C1R: variants seen among roughly 807,000 people sequenced by gnomAD.
C1R encodes the protein complement C1r.
C1R carries 15 observed loss-of-function variants against 27.6 expected under a neutral mutation model. The ratio of observed to expected loss-of-function variants is 0.54; its 90% CI spans 0.36 to 0.84. The LOEUF (loss-of-function observed/expected upper bound fraction) is 0.84. Ranked by LOEUF, C1R falls within the 40% of genes least tolerant of loss-of-function variation. C1R has a pLI of 0.01. For synonymous variants in C1R, 253 were observed against 228.8 expected (o/e 1.11, Z -0.95); for missense variants, 544 against 577.9 (o/e 0.94, Z 0.60).
chr12:7,080,428 T>C lies in C1R; in HGVS notation c.*104A>G. The C allele has an allele frequency of 2.0e-6, 3 of 1,464,944 alleles. No individual in the cohort carries two copies. The highest frequency in any genetic ancestry group is 2.7e-6 in the Non-Finnish European group (3 of 1,109,744). 90.7% of individuals were successfully genotyped at this position (1,464,944 alleles called of 1,614,324 possible). A position where few individuals can be genotyped will look rare whatever the true frequency, so the allele number is the denominator to read the frequency against. On this transcript the variant is annotated 3_prime_UTR_variant, in exon 11 of 11. Transcript: ENST00000647956. The surrounding 1 kb of genome is among the most constrained non-coding windows in gnomAD (Gnocchi z 4.9). ...TTCACACACGGTCTTTCTGCATCAG[T>C]AATTTTAATAGAGACTCTTAGTGGT...
intron 9 of C1R, among the ~76,000 whole-genome samples, chr12:7,084,743 G>A (rs1938111135): frequency 1.3e-5 from 2 of 150,918 alleles, no homozygotes; most frequent in Admixed American, 6.6e-5. Context: ...GGTGGTGATG[G>A]TGTTGGTAAT....
intron 3 of C1R, 120 bp downstream of exon 3, chr12:7,089,936 T>G: frequency 1.4e-6 from 1 of 701,344 alleles, no homozygotes; most frequent in Non-Finnish European, 2.7e-6. Context: ...AAAAGCTCTC[T>G]CGAGGGGAGG....
chr12:7,092,275 G>T (rs1235648124), intron 1 of C1R, 112 bp downstream of exon 1: 4 of 766,564 alleles, frequency 5.2e-6, no homozygotes, highest in Non-Finnish European at 9.7e-6. Flanking sequence ...CAGTGGAACT[G>T]ATGAGGTGTG....
intron 9 of C1R, among the ~76,000 whole-genome samples, chr12:7,083,053 A>G (rs1426203378): frequency 2.0e-5 from 3 of 152,228 alleles, no homozygotes; most frequent in Non-Finnish European, 2.9e-5. Flanking sequence ...GTGATTTCTA[A>G]TATTTAAAAA....
chr12:7,080,670 T>G lies in C1R; in HGVS notation c.1980A>C (p.Val660=), dbSNP rs763771068. ...CCCAGCGATCAGTGTTCGGGTCCCTTACTGCAAAAACGCCCCCACTATCCC... is the reference window on the plus strand; with the variant it reads ...CCCAGCGATCAGTGTTCGGGTCCCTGACTGCAAAAACGCCCCCACTATCCC... ...CQGDSGGVFA[V]RDPNTDRWVA... The change falls in exon 11 of 11, where the codon GTA becomes GTC. Residue 660 remains valine, a synonymous_variant. Transcript: ENST00000647956. This position sits in a 1 kb window ranked among gnomAD's most constrained non-coding sequence, Gnocchi z 4.9. The G allele has an allele frequency of 1.2e-5, 19 of 1,613,810 alleles. No individual in the cohort carries two copies. Among genetic ancestry groups the G allele is most frequent in the Non-Finnish European group, 1.4e-5 (17 of 1,179,872 alleles).
At chr12:7,082,522 A>C (rs1023975395) in intron 9 of C1R, among the ~76,000 whole-genome samples, 1 of 151,966 alleles carries the variant, frequency 6.6e-6, no homozygotes, top group African/African-American at 2.4e-5. Context: ...TAGTAGAGAC[A>C]GGGTTTCACC....
chr12:7,085,968 T>C lies in C1R; in HGVS notation c.1166A>G (p.Tyr389Cys). The C allele has an allele frequency of 2.5e-6, 1 of 398,644 alleles. No homozygotes were observed. The highest frequency in any genetic ancestry group is 4.4e-6 in the Non-Finnish European group (1 of 226,090). 24.7% of individuals were successfully genotyped at this position (398,644 alleles called of 1,614,324 possible). Residue 389 changes from tyrosine (Y) to cysteine (C), a missense_variant, in exon 9 of 11, where the codon TAC (tyrosine) becomes TGC (cysteine). Coordinates refer to ENST00000647956, the MANE Select transcript of C1R (RefSeq NM_001733.7). ...GGTGTTCACTCCCATTGTGGTGGTG[T>C]AACGGAAGTCACCATTAGGCAGGTT... is the stretch of plus-strand genomic sequence containing the variant. ...PRNLPNGDFR[Y>C]TTTMGVNTYK... is the part of the protein sequence containing the mutation.
At chr12:7,092,089 T>C in intron 1 of C1R, 1 of 582,476 alleles carries the variant, frequency 1.7e-6, no homozygotes, top group Non-Finnish European at 3.1e-6. Flanking sequence ...ATCTGTGGAG[T>C]GGGGGACACA....
Position 7,080,741 on chromosome 12 carries a change from TG to T in C1R, c.1908del (p.Asn636LysfsTer10). On this transcript the variant is annotated frameshift_variant, in exon 11 of 11. Coordinates refer to ENST00000647956, the MANE Select transcript of C1R (RefSeq NM_001733.7). LOFTEE classifies it high-confidence loss of function. This position sits in a 1 kb window ranked among gnomAD's most constrained non-coding sequence, Gnocchi z 4.9. ...AGAGATGGGTGTCCAGCACAGAACA[TG>T]TTTTGAGAGAACACATCCATCCTAT... ...GKNRMDVFSQ[N>X]MFCAGHPSLK... 1 of 1,613,914 alleles carries T rather than the reference TG, an allele frequency of 6.2e-7. No individual in the cohort carries two copies. Among genetic ancestry groups the T allele is most frequent in the Non-Finnish European group, 8.5e-7 (1 of 1,179,874 alleles).
In C1R at chr12:7,080,874, A is replaced by G; in HGVS notation, c.1776T>C (p.Tyr592=). The G allele has an allele frequency of 6.2e-7, 1 of 1,613,980 alleles. No homozygotes were observed. The highest frequency in any genetic ancestry group is 8.5e-7 in the Non-Finnish European group (1 of 1,179,870). ...DTFYDLGLMG[Y]VSGFGVMEEK... is the part of the protein sequence containing the mutation. ...CCTCCATGACCCCGAAGCCACTGAC[A>G]TAGCCCATCAAGCCCAGGTCGTAGA... Residue 592 remains tyrosine (Y), a synonymous_variant, in exon 11 of 11, where the codon TAT becomes TAC. Transcript: ENST00000647956. The surrounding 1 kb of genome is among the most constrained non-coding windows in gnomAD (Gnocchi z 4.9).
At chr12:7,090,308 G>A in intron 2 of C1R, 60 bp from the exon 3 acceptor site, 1 of 681,498 alleles carries the variant, frequency 1.5e-6, no homozygotes, top group African/African-American at 1.8e-5. Context: ...GCACGTGGTG[G>A]CTCAGTGATG....
intron 9 of C1R, among the ~76,000 whole-genome samples, chr12:7,084,990 G>C (rs1001468085): frequency 6.7e-6 from 1 of 148,398 alleles, no homozygotes; most frequent in Non-Finnish European, 1.5e-5. Flanking sequence ...GATGGTGTTG[G>C]TGGTGATGGT....
At chr12:7,086,905 C>G (rs1238754524) in intron 7 of C1R, 2 of 153,196 alleles carry the variant, frequency 1.3e-5, no homozygotes, top group Non-Finnish European at 2.9e-5. Flanking sequence ...TTGCAGTTTT[C>G]CTAAGGACAG....
rs1330742847 is a variant in C1R, at chr12:7,080,221, G to A, written c.*311C>T. On this transcript the variant is annotated 3_prime_UTR_variant, in exon 11 of 11. Transcript: ENST00000647956. The surrounding 1 kb of genome is among the most constrained non-coding windows in gnomAD (Gnocchi z 4.9). ...AACTTTTGACTCATTTTGCACACTGGCATTTCTCATAAAACTTTATTTGGA... is the reference window on the plus strand; with the variant it reads ...AACTTTTGACTCATTTTGCACACTGACATTTCTCATAAAACTTTATTTGGA... 1.7e-5 allele frequency: 15 copies of A among 874,618 alleles called. No homozygotes were observed. The highest frequency in any genetic ancestry group is 2.1e-5 in the Non-Finnish European group (15 of 714,372). 54.2% of individuals were successfully genotyped at this position (874,618 alleles called of 1,614,324 possible). A position where few individuals can be genotyped will look rare whatever the true frequency, so the allele number is the denominator to read the frequency against.
At chr12:7,082,129 T>A (rs1028354322) in intron 9 of C1R, 23 bp from the exon 10 acceptor site, 6 of 1,377,016 alleles carry the variant, frequency 4.4e-6, no homozygotes, top group Non-Finnish European at 6.0e-6. Context: ...GAGGCAAGAA[T>A]CAAGTTGGGG....
At chr12:7,088,357 G>A (rs752624438) in intron 7 of C1R, 4 of 682,782 alleles carry the variant, frequency 5.9e-6, no homozygotes, top group African/African-American at 3.6e-5. Context: ...ACAGAGTCTT[G>A]CTATATTGCT....
In C1R at chr12:7,080,747, G is replaced by A; in HGVS notation, c.1903C>T (p.Gln635Ter). The part of the protein sequence containing the change: ...RGKNRMDVFS[Q>*]NMFCAGHPSL... Reference sequence around the variant, plus strand: ...GGGTGTCCAGCACAGAACATGTTTTGAGAGAACACATCCATCCTATTCTTT... The same window carrying A: ...GGGTGTCCAGCACAGAACATGTTTTAAGAGAACACATCCATCCTATTCTTT... Residue 635 changes from glutamine to a stop codon, truncating the protein, a stop_gained, in exon 11 of 11, where the codon CAA (glutamine) becomes TAA (stop). Transcript: ENST00000647956. LOFTEE classifies it high-confidence loss of function. The surrounding 1 kb of genome is among the most constrained non-coding windows in gnomAD (Gnocchi z 4.9). 6.2e-7 allele frequency: 1 copy of A among 1,613,980 alleles called. No individual in the cohort carries two copies. The highest frequency in any genetic ancestry group is 8.5e-7 in the Non-Finnish European group (1 of 1,179,894).
In C1R at chr12:7,080,916, G is replaced by C. The variant is rs746924533; in HGVS notation, c.1734C>G (p.Leu578=). 6.8e-6 allele frequency: 11 copies of C among 1,613,188 alleles called. No homozygotes were observed. Among genetic ancestry groups the C allele is most frequent in the Non-Finnish European group, 8.5e-6 (10 of 1,179,152 alleles). Residue 578 remains leucine, a synonymous_variant, in exon 11 of 11, where the codon CTC becomes CTG. Transcript: ENST00000647956. The surrounding 1 kb of genome is among the most constrained non-coding windows in gnomAD (Gnocchi z 4.9). ...TLGPNLLPIC[L]PDNDTFYDLG... Reference sequence around the variant, plus strand: ...GGTCGTAGAAGGTATCGTTGTCAGGGAGGCAGATGGGGAGGAGGTTGGGAC... The same window carrying C: ...GGTCGTAGAAGGTATCGTTGTCAGGCAGGCAGATGGGGAGGAGGTTGGGAC...
Position 7,088,403 on chromosome 12 carries a change from G to A in C1R, c.1038+207C>T, listed in dbSNP as rs1360502702. ...TGCAGTGGCTATTCACAGGGGCCTT[G>A]AATGAATGGGCTCAAGCAATCTTCC... is the stretch of plus-strand genomic sequence containing the variant. On this transcript the variant is annotated intron_variant, in intron 7 of 10. Coordinates refer to ENST00000647956, the MANE Select transcript of C1R (RefSeq NM_001733.7). 3 of 702,106 alleles carry A rather than the reference G, an allele frequency of 4.3e-6. No individual in the cohort carries two copies. In the Admixed American group the frequency reaches 6.0e-5, roughly 14 times the overall value. The allele number at this position is 702,106 out of a possible 1,614,324, so 43.5% of individuals were successfully genotyped here.
Sources: gnomAD v4.1 joint callset for allele counts (sites outside exome capture counted in the v4.1 genomes callset) on GRCh38, gnomAD v4.1.1 for gene constraint, Gnocchi (gnomAD v3.1) non-coding constraint, MANE v1.5 for transcripts, NCBI Gene and HGNC (gene_info 2026-07-23, HGNC 2026-07-21) for gene names.